RAB38: variants seen among roughly 807,000 people sequenced by gnomAD.
RAB38 encodes RAB38, member RAS oncogene family.
In RAB38, 15 loss-of-function variants were observed where a neutral mutation model predicts 18.4. The ratio of observed to expected loss-of-function variants is 0.82; its 90% CI spans 0.55 to 1.26. RAB38 has a LOEUF of 1.26. RAB38 is among the 50% of genes most tolerant of loss of function. RAB38 has a pLI of 0.00. For synonymous variants in RAB38, 101 were observed against 104.4 expected (o/e 0.97, Z 0.20); for missense variants, 294 against 267.4 (o/e 1.10, Z -0.69).
chr11:87,891,545 A>G, the RAB38 span, among the ~76,000 whole-genome samples: 1 of 151,802 alleles, frequency 6.6e-6, no homozygotes, highest in Non-Finnish European at 1.5e-5. Context: ...AGGATCATCT[A>G]AAGAACCGAG....
At chr11:88,043,091 C>A in the RAB38 span, among the ~76,000 whole-genome samples, 1 of 152,138 alleles carries the variant, frequency 6.6e-6, no homozygotes, top group African/African-American at 2.4e-5. Context: ...GTATGAGACA[C>A]ACTGACTCTC....
the RAB38 span, among the ~76,000 whole-genome samples, chr11:87,962,336 A>G: frequency 6.6e-6 from 1 of 152,310 alleles, no homozygotes; most frequent in South Asian, 2.1e-4. Flanking sequence ...GTCATATGTG[A>G]CTGCATGAAT....
chr11:88,154,114 G>A (rs1000782209), intron 1 of RAB38, among the ~76,000 whole-genome samples: 1 of 152,166 alleles, frequency 6.6e-6, no homozygotes, highest in African/African-American at 2.4e-5. Flanking sequence ...GCATGCCAAG[G>A]GAAAGCACTT....
intron 1 of RAB38, among the ~76,000 whole-genome samples, chr11:88,151,392 G>C (rs1943061924): frequency 6.6e-6 from 1 of 152,132 alleles, no homozygotes; most frequent in Non-Finnish European, 1.5e-5. Context: ...TAACAAAAAT[G>C]AACAAAATCC....
At chr11:88,169,255 T>G (rs1008600444) in intron 1 of RAB38, among the ~76,000 whole-genome samples, 1 of 152,216 alleles carries the variant, frequency 6.6e-6, no homozygotes, top group Non-Finnish European at 1.5e-5. Flanking sequence ...CCACTGAATG[T>G]GGACAAATGT....
the RAB38 span, among the ~76,000 whole-genome samples, chr11:87,930,272 T>A: frequency 3.3e-5 from 5 of 152,198 alleles, no homozygotes; most frequent in Admixed American, 3.3e-4. Flanking sequence ...TGGTGTGAGA[T>A]GGTATCTCAT....
the RAB38 span, among the ~76,000 whole-genome samples, chr11:87,968,457 C>T: frequency 6.6e-6 from 1 of 152,144 alleles, no homozygotes; most frequent in Non-Finnish European, 1.5e-5. Flanking sequence ...GTAATATGGA[C>T]ACTTCTGGGG....
At chr11:88,114,164 C>G (rs144271152) in intron 2 of RAB38, 24 bp from the exon 3 acceptor site, 18 of 1,611,714 alleles carry the variant, frequency 1.1e-5, no homozygotes, top group African/African-American at 6.7e-5. Context: ...AATAAAACAG[C>G]TTTTCTTATT....
the RAB38 span, among the ~76,000 whole-genome samples, chr11:88,017,592 T>C: frequency 2.4e-3 from 366 of 151,330 alleles, 3 homozygotes; most frequent in African/African-American, 8.6e-3. Context: ...ACTGGCTTCT[T>C]TATAACTCCC....
At chr11:88,090,220 G>C in the RAB38 span, among the ~76,000 whole-genome samples, 1 of 151,934 alleles carries the variant, frequency 6.6e-6, no homozygotes, top group Admixed American at 6.6e-5. Context: ...AAATCTCTTA[G>C]TTTTCTAATT....
chr11:88,093,373 T>A, the RAB38 span, among the ~76,000 whole-genome samples: 1 of 151,834 alleles, frequency 6.6e-6, no homozygotes, highest in Non-Finnish European at 1.5e-5. Context: ...AGGGTGGCAA[T>A]TGGAAGTGAC....
chr11:88,041,076 C>T, the RAB38 span, among the ~76,000 whole-genome samples: 1 of 152,190 alleles, frequency 6.6e-6, no homozygotes, highest in Non-Finnish European at 1.5e-5. Flanking sequence ...GAGAAGTTTC[C>T]AGTATGTATC....
chr11:87,854,304 TGTG>T, the RAB38 span, among the ~76,000 whole-genome samples: 2 of 152,220 alleles, frequency 1.3e-5, no homozygotes, highest in Non-Finnish European at 2.9e-5. Context: ...TAACTAGAAA[TGTG>T]GTATTCTATT....
At chr11:88,018,190 C>T in the RAB38 span, among the ~76,000 whole-genome samples, 3 of 152,060 alleles carry the variant, frequency 2.0e-5, no homozygotes, top group East Asian at 5.8e-4. Context: ...TTTTTTCTGC[C>T]AGCTAATAAC....
At chr11:87,921,541 C>T in the RAB38 span, among the ~76,000 whole-genome samples, 1 of 148,528 alleles carries the variant, frequency 6.7e-6, no homozygotes, top group African/African-American at 2.4e-5. Flanking sequence ...TTGTAAATCT[C>T]TCTCTATATA....
chr11:88,137,195 A>G (rs1300601424), intron 2 of RAB38, among the ~76,000 whole-genome samples: 1 of 152,226 alleles, frequency 6.6e-6, no homozygotes, highest in South Asian at 2.1e-4. Context: ...CATAGCCACT[A>G]TTCAACAAGC....
At chr11:87,816,129 G>C in the RAB38 span, 3 of 152,228 alleles carry the variant, frequency 2.0e-5, no homozygotes, top group Non-Finnish European at 2.9e-5. Context: ...ATTTTTATTA[G>C]CGGATGCGTT....
chr11:88,004,312 C>T, the RAB38 span, among the ~76,000 whole-genome samples: 3 of 150,862 alleles, frequency 2.0e-5, no homozygotes, highest in Admixed American at 6.6e-5. Flanking sequence ...ATTTGTCCTA[C>T]GAATGCAAGT....
chr11:87,841,165 T>C, the RAB38 span, among the ~76,000 whole-genome samples: 1 of 152,174 alleles, frequency 6.6e-6, no homozygotes, highest in Admixed American at 6.6e-5. Context: ...TGCTATGGTT[T>C]GGCTGTGTCC....
Sources: gnomAD v4.1 joint callset for allele counts (sites outside exome capture counted in the v4.1 genomes callset) on GRCh38, gnomAD v4.1.1 for gene constraint, MANE v1.5 for transcripts, NCBI Gene and HGNC (gene_info 2026-07-23, HGNC 2026-07-21) for gene names.